The following AGTRAP variants were observed in gnomAD, a reference collection of about 807,000 sequenced individuals.
The protein encoded by AGTRAP is angiotensin II receptor associated protein.
Under a neutral mutation model 15.2 loss-of-function variants are expected in AGTRAP, and 7 were observed. The observed-to-expected ratio is 0.46, with a 90% CI of 0.26 to 0.87. The LOEUF (loss-of-function observed/expected upper bound fraction) is 0.87. AGTRAP is among the 40% of genes least tolerant of loss of function. AGTRAP has a pLI of 0.15. For synonymous variants in AGTRAP, 74 were observed against 89.6 expected (o/e 0.83, Z 0.98); for missense variants, 187 against 213.4 (o/e 0.88, Z 0.77).
chr1:11,747,628 A>T, intron 3 of AGTRAP, 83 bp downstream of exon 3: 1 of 1,397,982 alleles, frequency 7.2e-7, no homozygotes, highest in Middle Eastern at 2.3e-4. Context: ...ACCCCGTCCC[A>T]TCCCAATCTT....
intron 4 of AGTRAP, among the ~76,000 whole-genome samples, chr1:11,749,173 C>A (rs1424706987): frequency 6.6e-6 from 1 of 152,248 alleles, no homozygotes; most frequent in South Asian, 2.1e-4. Flanking sequence ...CTGCCCTCTC[C>A]CACGCCCTCT....
intron 1 of AGTRAP, among the ~76,000 whole-genome samples, chr1:11,740,885 G>A (rs115665170): frequency 1.6e-3 from 246 of 152,212 alleles, no homozygotes; most frequent in African/African-American, 5.5e-3. Context: ...CTCTTTCCTC[G>A]GTGTCTTCTT....
Position 11,745,673 on chromosome 1 carries a change from C to A in AGTRAP, c.28-130C>A. On this transcript the variant is annotated intron_variant, in intron 1 of 4. Transcript: ENST00000314340. The surrounding 1 kb of genome is among the most constrained non-coding windows in gnomAD (Gnocchi z 4.2). ...ACCTGCAGTTGCTGGTGTGCCTTTT[C>A]AACAGACATTACTGAGGCCCTCAGA... 3.0e-6 allele frequency: 3 copies of A among 988,886 alleles called. No individual in the cohort carries two copies. Among genetic ancestry groups the A allele is most frequent in the Non-Finnish European group, 3.2e-6 (2 of 624,206 alleles). 61.3% of individuals were successfully genotyped at this position (988,886 alleles called of 1,614,324 possible).
chr1:11,746,654 T>C (rs1642172256), intron 2 of AGTRAP: 1 of 168,762 alleles, frequency 5.9e-6, no homozygotes, highest in South Asian at 1.5e-4. Context: ...CTTGGGCGAG[T>C]TACTTAACCT....
Position 11,747,616 on chromosome 1 carries a change from C to G in AGTRAP, c.168+71C>G, listed in dbSNP as rs993993233. 9 of 1,477,652 alleles carry G rather than the reference C, an allele frequency of 6.1e-6. No individual in the cohort carries two copies. In the African/African-American group the frequency reaches 1.2e-4, roughly 20 times the overall value. 91.5% of individuals were successfully genotyped at this position (1,477,652 alleles called of 1,614,324 possible). On this transcript the variant is annotated intron_variant, in intron 3 of 4. Transcript: ENST00000314340. ...CAGGGCAAGACATAGCCTGGCTCTGCTACCCCGTCCCATCCCAATCTTCCC... is the reference window on the plus strand; with the variant it reads ...CAGGGCAAGACATAGCCTGGCTCTGGTACCCCGTCCCATCCCAATCTTCCC...
intron 4 of AGTRAP, among the ~76,000 whole-genome samples, chr1:11,749,215 G>C (rs907978444): frequency 2.0e-5 from 3 of 152,198 alleles, no homozygotes; most frequent in Admixed American, 1.3e-4. Flanking sequence ...CCTGGTGGCC[G>C]AGCCATTTGC....
chr1:11,750,691 G>GGA lies in AGTRAP; in HGVS notation c.*499_*500insGA. ...AGGGATGCAGGGCTGGAGGCCAGAG[G>GGA]TGTCAGCAACACTGTGTCCCACCAC... On this transcript the variant is annotated 3_prime_UTR_variant, in exon 5 of 5. Transcript: ENST00000314340. The GGA allele has an allele frequency of 4.2e-6, 1 of 235,770 alleles. No homozygotes were observed. The highest frequency in any genetic ancestry group is 5.1e-5 in the Admixed American group (1 of 19,448). The allele number at this position is 235,770 out of a possible 1,614,324, so 14.6% of individuals were successfully genotyped here. A position where few individuals can be genotyped will look rare whatever the true frequency, so the allele number is the denominator to read the frequency against.
At chr1:11,736,583 G>A (rs1397574425) in intron 1 of AGTRAP, among the ~76,000 whole-genome samples, 1 of 152,194 alleles carries the variant, frequency 6.6e-6, no homozygotes, top group Non-Finnish European at 1.5e-5. Flanking sequence ...TGCGCGGGAG[G>A]GGCTTGTAGG....
rs139499701 is a variant in AGTRAP, at chr1:11,748,477, G to A, written c.231G>A (p.Pro77=). Residue 77 remains proline, a synonymous_variant, in exon 4 of 5, where the codon CCG becomes CCA. Coordinates refer to ENST00000314340, the MANE Select transcript of AGTRAP (RefSeq NM_020350.5). ...TCGTGCACATCAGCATCTTCTACCC[G>A]CGGGTCAGCCTCACGGACACGGGCC... ...LDIVHISIFY[P]RVSLTDTGRF... 1.1e-5 allele frequency: 17 copies of A among 1,613,616 alleles called. No individual in the cohort carries two copies. The highest frequency in any genetic ancestry group is 1.3e-5 in the African/African-American group (1 of 74,930).
At chr1:11,748,983 C>T (rs1642246373) in intron 4 of AGTRAP, among the ~76,000 whole-genome samples, 1 of 152,316 alleles carries the variant, frequency 6.6e-6, no homozygotes, top group African/African-American at 2.4e-5. Context: ...CTCACCGGGG[C>T]CCATCACTGG....
intron 4 of AGTRAP, 89 bp downstream of exon 4, chr1:11,748,699 C>G (rs1223238133): frequency 6.9e-7 from 1 of 1,455,526 alleles, no homozygotes; most frequent in Non-Finnish European, 9.3e-7. Flanking sequence ...CCAGCCTTGC[C>G]CCATGGGGCC....
In AGTRAP at chr1:11,750,163, G is replaced by A; in HGVS notation, c.451G>A (p.Gly151Ser). Reference sequence around the variant, plus strand: ...CGCAGATCCCTTTGCAGTCCCAGAGGGCAGGAGTCAAGATGCCCGAGGGTA... The same window carrying A: ...CGCAGATCCCTTTGCAGTCCCAGAGAGCAGGAGTCAAGATGCCCGAGGGTA... Reference protein sequence around the residue: ...APADPFAVPEGRSQDARGY With the variant: ...APADPFAVPESRSQDARGY Residue 151 changes from glycine to serine, a missense_variant, in exon 5 of 5, where the codon GGC becomes AGC. Coordinates refer to ENST00000314340, the MANE Select transcript of AGTRAP (RefSeq NM_020350.5). The A allele has an allele frequency of 6.2e-7, 1 of 1,613,884 alleles. No individual in the cohort carries two copies. The highest frequency in any genetic ancestry group is 1.1e-5 in the South Asian group (1 of 91,074).
At chr1:11,748,294 C>A in intron 3 of AGTRAP, 121 bp from the exon 4 acceptor site, 1 of 1,134,796 alleles carries the variant, frequency 8.8e-7, no homozygotes, top group Non-Finnish European at 1.3e-6. Flanking sequence ...TTGCTTGATC[C>A]ATTTTCCCGC....
At chr1:11,740,986 G>C (rs1298215967) in intron 1 of AGTRAP, among the ~76,000 whole-genome samples, 2 of 152,104 alleles carry the variant, frequency 1.3e-5, no homozygotes, top group Admixed American at 6.6e-5. Flanking sequence ...TTTACTATCA[G>C]ATGGAGGGGA....
intron 1 of AGTRAP, among the ~76,000 whole-genome samples, chr1:11,741,339 G>A (rs1022601987): frequency 2.6e-5 from 4 of 152,124 alleles, no homozygotes; most frequent in African/African-American, 7.2e-5. Flanking sequence ...GCTTTCCTTC[G>A]GGATGAGGGT....
At chr1:11,746,145 T>C (rs1193227786) in intron 2 of AGTRAP, 14 of 1,613,700 alleles carry the variant, frequency 8.7e-6, no homozygotes, top group South Asian at 1.1e-5. Context: ...GACATTTCTC[T>C]GCCAAACCAA....
chr1:11,748,740 G>A, intron 4 of AGTRAP, 130 bp downstream of exon 4: 5 of 1,102,078 alleles, frequency 4.5e-6, no homozygotes, highest in Non-Finnish European at 6.4e-6. Context: ...AGCGTGGCAT[G>A]GGCGCTCTGT....
In AGTRAP at chr1:11,736,171, C is replaced by CCG; in HGVS notation, c.-35_-34dup. 3 of 1,589,648 alleles carry CCG rather than the reference C, an allele frequency of 1.9e-6. No individual in the cohort carries two copies. The highest frequency in any genetic ancestry group is 2.3e-5 in the South Asian group (2 of 87,258). ...CCCGAGTTCGGAGCCTAGGAGCCCC[C>CCG]CGCGGCTGCGGCGCAGGTGCCCTCG... On this transcript the variant is annotated 5_prime_UTR_variant, in exon 1 of 5. Transcript: ENST00000314340.
At chr1:11,741,989 C>T (rs1011500228) in intron 1 of AGTRAP, among the ~76,000 whole-genome samples, 1 of 152,204 alleles carries the variant, frequency 6.6e-6, no homozygotes, top group Non-Finnish European at 1.5e-5. Flanking sequence ...AGCCAGGCCC[C>T]TTGTGGTTCA....
Sources: gnomAD v4.1 joint callset for allele counts (sites outside exome capture counted in the v4.1 genomes callset) on GRCh38, gnomAD v4.1.1 for gene constraint, Gnocchi (gnomAD v3.1) non-coding constraint, MANE v1.5 for transcripts, NCBI Gene and HGNC (gene_info 2026-07-23, HGNC 2026-07-21) for gene names.